ALDH1A2: variants seen among roughly 807,000 people sequenced by gnomAD.
ALDH1A2 encodes the protein aldehyde dehydrogenase 1 family member A2.
ALDH1A2 carries 27 observed loss-of-function variants against 60.3 expected under a neutral mutation model. The observed-to-expected ratio is 0.45, with a 90% confidence interval of 0.33 to 0.62. The LOEUF (loss-of-function observed/expected upper bound fraction) is 0.62, where lower values mean the gene tolerates loss of function less well. Ranked by LOEUF, ALDH1A2 falls within the 20% of genes least tolerant of loss-of-function variation. The probability of loss-of-function intolerance (pLI) is 0.02; values close to 1 mark genes in which losing one functional copy is unlikely to be tolerated. For synonymous variants in ALDH1A2, 289 were observed against 232.4 expected (o/e 1.24, Z -2.21); for missense variants, 581 against 643.8 (o/e 0.90, Z 1.06).
At chr15:58,064,794 TC>T (rs1207412982) in intron 1 of ALDH1A2, among the ~76,000 whole-genome samples, 1 of 152,200 alleles carries the variant, frequency 6.6e-6, no homozygotes, top group Non-Finnish European at 1.5e-5. Context: ...AGACGCATAT[TC>T]TTTTTTAGGC....
chr15:58,041,671 C>T (rs1896521499), intron 1 of ALDH1A2, among the ~76,000 whole-genome samples: 1 of 151,914 alleles, frequency 6.6e-6, no homozygotes, highest in South Asian at 2.1e-4. Context: ...GGGCTCTGCC[C>T]TCATGACCTA....
chr15:58,025,496 G>C (rs1281775486), intron 1 of ALDH1A2, among the ~76,000 whole-genome samples: 1 of 152,106 alleles, frequency 6.6e-6, no homozygotes, highest in Non-Finnish European at 1.5e-5. Context: ...TCAATAACAA[G>C]CAGCAATATT....
intron 4 of ALDH1A2, among the ~76,000 whole-genome samples, chr15:58,003,949 T>C (rs908935570): frequency 6.6e-6 from 1 of 151,888 alleles, no homozygotes; most frequent in Non-Finnish European, 1.5e-5. Context: ...AAATAATGGA[T>C]AGTGTTGTAA....
intron 1 of ALDH1A2, chr15:58,058,118 T>A: frequency 6.7e-7 from 1 of 1,503,422 alleles, no homozygotes; most frequent in African/African-American, 1.4e-5. Context: ...CCTAGAGAAA[T>A]AAGACTTTCA....
At chr15:58,047,124 C>A (rs1293112201) in intron 1 of ALDH1A2, among the ~76,000 whole-genome samples, 1 of 151,942 alleles carries the variant, frequency 6.6e-6, no homozygotes, top group Non-Finnish European at 1.5e-5. Flanking sequence ...GAATCTAAAG[C>A]CTGAGGAATT....
At chr15:57,982,999 T>G (rs1157109392) in intron 7 of ALDH1A2, among the ~76,000 whole-genome samples, 1 of 152,180 alleles carries the variant, frequency 6.6e-6, no homozygotes, top group East Asian at 1.9e-4. Flanking sequence ...TTCTTAGGGA[T>G]GTGTTGTTTG....
At chr15:57,987,237 G>C (rs1478905278) in intron 7 of ALDH1A2, among the ~76,000 whole-genome samples, 1 of 151,524 alleles carries the variant, frequency 6.6e-6, no homozygotes, top group Non-Finnish European at 1.5e-5. Context: ...GAAGGCGGAA[G>C]TAGAAAGCAA....
intron 7 of ALDH1A2, among the ~76,000 whole-genome samples, chr15:57,975,920 A>G (rs1223929309): frequency 6.6e-6 from 1 of 152,214 alleles, no homozygotes; most frequent in African/African-American, 2.4e-5. Context: ...ATGGTTTCAC[A>G]GGTAGATGGA....
At chr15:57,976,947 T>A (rs183119279) in intron 7 of ALDH1A2, among the ~76,000 whole-genome samples, 110 of 152,348 alleles carry the variant, frequency 7.2e-4, no homozygotes, top group Non-Finnish European at 1.4e-3. Context: ...TTTTTAATGA[T>A]CGCCATTCTA....
chr15:57,968,347 T>A (rs1179187429), intron 7 of ALDH1A2, among the ~76,000 whole-genome samples: 1 of 152,198 alleles, frequency 6.6e-6, no homozygotes, highest in Non-Finnish European at 1.5e-5. Context: ...CTAAATGAGT[T>A]AGAAGTTAGT....
At chr15:58,061,605 A>AAC (rs1298772638) in intron 1 of ALDH1A2, among the ~76,000 whole-genome samples, 1 of 145,830 alleles carries the variant, frequency 6.9e-6, no homozygotes, top group African/African-American at 2.5e-5. Context: ...CAAAAAAAAA[A>AAC]AAAACAAAAA....
At chr15:58,061,534 A>G (rs932393495) in intron 1 of ALDH1A2, among the ~76,000 whole-genome samples, 12 of 147,624 alleles carry the variant, frequency 8.1e-5, no homozygotes, top group African/African-American at 2.7e-4. Flanking sequence ...AGACTAGTTC[A>G]TATTTTCTCC....
At position 57,954,685 on chromosome 15, in the gene ALDH1A2, A is replaced by G. The variant is rs778778868; in HGVS notation, c.*512T>C. 6 of 187,624 alleles carry G rather than the reference A, an allele frequency of 3.2e-5. No individual in the cohort carries two copies. The highest frequency in any genetic ancestry group is 4.6e-5 in the Non-Finnish European group (4 of 87,130). 11.6% of individuals were successfully genotyped at this position (187,624 alleles called of 1,614,324 possible). On this transcript the variant is annotated 3_prime_UTR_variant, in exon 13 of 13. Coordinates refer to ENST00000249750, the MANE Select transcript of ALDH1A2 (RefSeq NM_003888.4). The stretch of plus-strand genomic sequence containing the variant: ...CATGTTTTGCTTTGAAGAAATGGAT[A>G]ACATGAAATGATAATTTGGCTTTAC...
intron 1 of ALDH1A2, among the ~76,000 whole-genome samples, chr15:58,034,805 A>G (rs1896334092): frequency 6.6e-6 from 1 of 151,636 alleles, no homozygotes. Flanking sequence ...TCAGCCTTGT[A>G]TGCCTGAAAT....
intron 7 of ALDH1A2, among the ~76,000 whole-genome samples, 171 bp downstream of exon 7, chr15:57,992,534 C>A (rs1441705142): frequency 6.6e-6 from 1 of 152,184 alleles, no homozygotes; most frequent in Non-Finnish European, 1.5e-5. Flanking sequence ...TCCCTGTGTG[C>A]CTTTGCTTTC....
intron 4 of ALDH1A2, among the ~76,000 whole-genome samples, chr15:58,001,269 C>T (rs1286553938): frequency 6.6e-6 from 1 of 151,774 alleles, no homozygotes; most frequent in Admixed American, 6.6e-5. Flanking sequence ...AGTTCTTTAC[C>T]CATAAAAACA....
chr15:58,064,099 CTG>C (rs1184255900), intron 1 of ALDH1A2, among the ~76,000 whole-genome samples: 1 of 152,098 alleles, frequency 6.6e-6, no homozygotes, highest in Admixed American at 6.5e-5. Context: ...GTCTTTTCTC[CTG>C]TGTAGATCTT....
At chr15:58,039,831 G>A (rs1283404626) in intron 1 of ALDH1A2, among the ~76,000 whole-genome samples, 1 of 151,642 alleles carries the variant, frequency 6.6e-6, no homozygotes, top group Non-Finnish European at 1.5e-5. Context: ...AGAGGAAGTT[G>A]GCATGTTTGT....
At chr15:58,058,054 C>G (rs1896939822) in intron 1 of ALDH1A2, 1 of 1,534,092 alleles carries the variant, frequency 6.5e-7, no homozygotes, top group East Asian at 2.4e-5. Context: ...CAGTCTCACA[C>G]TGATTCTTCA....
Sources: gnomAD v4.1 joint callset for allele counts (sites outside exome capture counted in the v4.1 genomes callset) on GRCh38, gnomAD v4.1.1 for gene constraint, MANE v1.5 for transcripts, NCBI Gene and HGNC (gene_info 2026-07-23, HGNC 2026-07-21) for gene names.